ZBTB16: variants seen among roughly 807,000 people sequenced by gnomAD.
The protein encoded by ZBTB16 is zinc finger and BTB domain containing 16, also known as zinc finger and BTB domain-containing protein 16.
A neutral mutation model predicts 56.8 loss-of-function variants in ZBTB16; 8 were observed. The ratio of observed to expected loss-of-function variants is 0.14; its 90% CI spans 0.08 to 0.25. The LOEUF (loss-of-function observed/expected upper bound fraction) is 0.25, where lower values mean the gene tolerates loss of function less well. Among genes scored for constraint, ZBTB16 ranks in the 10% least tolerant of loss-of-function variants. The probability of loss-of-function intolerance (pLI) is 1.00; values close to 1 mark genes in which losing one functional copy is unlikely to be tolerated. For missense variants in ZBTB16, 625 were observed against 903.0 expected, an observed-to-expected ratio of 0.69 and a Z score of 3.95; for synonymous variants, 363 against 368.5, an observed-to-expected ratio of 0.98 and a Z score of 0.17.
At chr11:114,129,712 A>G (rs1941610232) in intron 2 of ZBTB16, among the ~76,000 whole-genome samples, 1 of 152,240 alleles carries the variant, frequency 6.6e-6, no homozygotes, top group Admixed American at 6.5e-5. Flanking sequence ...TCTACCAACT[A>G]TTTCACATTT....
chr11:114,244,040 C>T (rs774120635), intron 5 of ZBTB16, among the ~76,000 whole-genome samples: 5 of 152,242 alleles, frequency 3.3e-5, no homozygotes, highest in South Asian at 2.1e-4. Context: ...TTCACACCAG[C>T]GAGGCACTGC....
Position 114,064,354 on chromosome 11 carries a change from G to A in ZBTB16, c.1054G>A (p.Val352Met), listed in dbSNP as rs763964163. 6.2e-6 allele frequency: 10 copies of A among 1,613,908 alleles called. No homozygotes were observed. Among genetic ancestry groups the A allele is most frequent in the South Asian group, 3.3e-5 (3 of 91,092 alleles). ...ADAVLSMPSS[V>M]TSGLHVQPAL... ...CGCTGTATTGAGCATGCCGTCTTCC[G>A]TGACCTCTGGCCTCCACGTGCAGCC... Residue 352 changes from valine (V) to methionine (M), a missense_variant, in exon 2 of 7, where the codon GTG becomes ATG. Physicochemically the swap from Val to Met is conservative, Grantham distance 21. This residue lies in a region of ZBTB16 where 384 missense variants were observed against 393.5 expected (regional missense o/e 0.98). Coordinates refer to ENST00000335953, the MANE Select transcript of ZBTB16 (RefSeq NM_006006.6). The surrounding 1 kb of genome is among the most constrained non-coding windows in gnomAD (Gnocchi z 4.2).
intron 4 of ZBTB16, chr11:114,189,182 T>G (rs1298588464): frequency 6.6e-6 from 1 of 152,206 alleles, no homozygotes; most frequent in African/African-American, 2.4e-5. Flanking sequence ...AAATCATATA[T>G]TTGATGAGGA....
intron 2 of ZBTB16, among the ~76,000 whole-genome samples, chr11:114,115,289 A>C (rs612050): frequency 6.6e-6 from 1 of 151,348 alleles, no homozygotes; most frequent in African/African-American, 2.4e-5. Flanking sequence ...CTCTCCAGAG[A>C]TCAAAGGTGA....
In ZBTB16 at chr11:114,250,728, G is replaced by T. The variant is rs1944903605; in HGVS notation, c.*173G>T. 4.3e-6 allele frequency: 3 copies of T among 704,856 alleles called. No homozygotes were observed. The highest frequency in any genetic ancestry group is 7.0e-6 in the Non-Finnish European group (3 of 429,434). 43.7% of individuals were successfully genotyped at this position (704,856 alleles called of 1,614,324 possible). ...TCTCTGGGCTCCAGATGACCTGGAT[G>T]CCAAGCCACTGCCCCTCCTCTGGGG... On this transcript the variant is annotated 3_prime_UTR_variant, in exon 7 of 7. Coordinates refer to ENST00000335953, the MANE Select transcript of ZBTB16 (RefSeq NM_006006.6). The surrounding 1 kb of genome is among the most constrained non-coding windows in gnomAD (Gnocchi z 6.0).
intron 3 of ZBTB16, among the ~76,000 whole-genome samples, chr11:114,186,312 G>A (rs1943360051): frequency 1.3e-5 from 2 of 152,214 alleles, no homozygotes; most frequent in African/African-American, 4.8e-5. Flanking sequence ...GCGTGGTTCA[G>A]TGTAGCTGGA....
intron 3 of ZBTB16, among the ~76,000 whole-genome samples, chr11:114,172,598 G>C (rs2135015514): frequency 6.6e-6 from 1 of 152,164 alleles, no homozygotes; most frequent in East Asian, 1.9e-4. Context: ...TTTCCAGGCT[G>C]CCCATTTCTC....
chr11:114,125,504 C>T (rs1941480497), intron 2 of ZBTB16, among the ~76,000 whole-genome samples: 1 of 151,980 alleles, frequency 6.6e-6, no homozygotes, highest in Non-Finnish European at 1.5e-5. Context: ...ACAGGTTTCC[C>T]ACACAAATTC....
rs1941840633 is a variant in ZBTB16, at chr11:114,137,988, G to A, written c.1269-18349G>A. On this transcript the variant is annotated intron_variant, in intron 2 of 6. Transcript: ENST00000335953. ...GCTGTGCTGGCAGCTTCTTAGGAAG[G>A]CAAGGAGCAAGGCGTGGGCTGTGGG... 2.0e-5 allele frequency among the ~76,000 whole-genome samples: 3 copies of A among 152,210 alleles called. No homozygotes were observed. The South Asian group carries it at 6.2e-4, about 32-fold the overall frequency.
chr11:114,115,726 C>T (rs891905616), intron 2 of ZBTB16, among the ~76,000 whole-genome samples: 1 of 152,246 alleles, frequency 6.6e-6, no homozygotes, highest in African/African-American at 2.4e-5. Flanking sequence ...GACACTTCCA[C>T]TGCCCCTTTA....
In ZBTB16 at chr11:114,160,046, G is replaced by T. The variant is rs1279543290; in HGVS notation, c.1366+3612G>T. On this transcript the variant is annotated intron_variant, in intron 3 of 6. Transcript: ENST00000335953. Reference sequence around the variant, plus strand: ...CCCTAAATGTTGCTGCCCTTGCACTGGCACATTCCTGCTGTTTTCTTCTGC... The same window carrying T: ...CCCTAAATGTTGCTGCCCTTGCACTTGCACATTCCTGCTGTTTTCTTCTGC... 2.0e-5 allele frequency among the ~76,000 whole-genome samples: 3 copies of T among 151,908 alleles called. No individual in the cohort carries two copies. In the East Asian group the frequency reaches 5.8e-4, roughly 29 times the overall value.
At chr11:114,067,823 AAAT>A (rs1939177296) in intron 2 of ZBTB16, among the ~76,000 whole-genome samples, 1 of 152,020 alleles carries the variant, frequency 6.6e-6, no homozygotes, top group African/African-American at 2.4e-5. Flanking sequence ...AAAGGGGAGA[AAAT>A]AATCCTGCGT....
intron 2 of ZBTB16, among the ~76,000 whole-genome samples, chr11:114,136,868 G>T (rs547452437): frequency 6.6e-6 from 1 of 152,096 alleles, no homozygotes; most frequent in South Asian, 2.1e-4. Flanking sequence ...TGTCTCTGGG[G>T]TTTATGACTG....
At chr11:114,072,824 G>A (rs1466855546) in intron 2 of ZBTB16, among the ~76,000 whole-genome samples, 4 of 152,086 alleles carry the variant, frequency 2.6e-5, no homozygotes, top group Non-Finnish European at 4.4e-5. Context: ...AGGCCGAGGC[G>A]GGCGGATCAC....
chr11:114,221,834 A>T (rs947072103), intron 4 of ZBTB16, among the ~76,000 whole-genome samples: 12 of 152,298 alleles, frequency 7.9e-5, no homozygotes, highest in African/African-American at 2.9e-4. Context: ...TCAGAAAACA[A>T]CTGCAACTGA....
chr11:114,163,205 A>ACCCCC (rs1942642988), intron 3 of ZBTB16, among the ~76,000 whole-genome samples: 1 of 32,118 alleles, frequency 3.1e-5, no homozygotes. Context: ...TCCCCCCCCA[A>ACCCCC]CCCCACCCCC....
At chr11:114,182,062 T>C (rs990269746) in intron 3 of ZBTB16, among the ~76,000 whole-genome samples, 19 of 152,170 alleles carry the variant, frequency 1.2e-4, no homozygotes, top group African/African-American at 4.6e-4. Flanking sequence ...GTTATTGTTG[T>C]TGTTTTGAGA....
intron 4 of ZBTB16, among the ~76,000 whole-genome samples, chr11:114,203,344 G>A (rs1478091837): frequency 6.6e-6 from 1 of 152,174 alleles, no homozygotes; most frequent in Non-Finnish European, 1.5e-5. Flanking sequence ...CCTTTTTGGA[G>A]TGATGAAGAT....
intron 4 of ZBTB16, among the ~76,000 whole-genome samples, chr11:114,206,964 C>T (rs1256563651): frequency 1.3e-5 from 2 of 152,136 alleles, no homozygotes; most frequent in African/African-American, 4.8e-5. Flanking sequence ...TGGGAAAGGA[C>T]CCTAGTGAGA....
Sources: gnomAD v4.1 joint callset for allele counts (sites outside exome capture counted in the v4.1 genomes callset) on GRCh38, gnomAD v4.1.1 for gene constraint, gnomAD v4.1.1 regional missense constraint, Gnocchi (gnomAD v3.1) non-coding constraint, MANE v1.5 for transcripts, NCBI Gene and HGNC (gene_info 2026-07-23, HGNC 2026-07-21) for gene names.